ODF2L: variants seen among roughly 807,000 people sequenced by gnomAD.
The protein encoded by ODF2L is protein BCAP.
In ODF2L, 76 loss-of-function variants were observed where a neutral mutation model predicts 86.3. That is an observed-to-expected ratio of 0.88 (90% CI 0.73 to 1.07). ODF2L has a LOEUF of 1.07. Among genes scored for constraint, ODF2L ranks in the 50% least tolerant of loss-of-function variants. The pLI, the probability that ODF2L is intolerant of heterozygous loss-of-function variation, is 0.00. For missense variants in ODF2L, 748 were observed against 717.4 expected (o/e 1.04, Z -0.49); for synonymous variants, 241 against 231.3 (o/e 1.04, Z -0.38).
At chr1:86,348,909 G>A (rs1267726991), downstream of ODF2L, 15 of 1,533,162 alleles carry the variant, frequency 9.8e-6, no homozygotes, top group African/African-American at 1.4e-5. Flanking sequence ...ATACAGATAA[G>A]CAATAATAGC....
At chr1:86,346,882 G>A (rs1175052022), downstream of ODF2L, 2 of 152,218 alleles carry the variant, frequency 1.3e-5, no homozygotes, top group Non-Finnish European at 2.9e-5. Flanking sequence ...AATGGATACA[G>A]AGGTAGTATG....
chr1:86,355,681 C>T (rs1022997522), intron 14 of ODF2L, among the ~76,000 whole-genome samples: 4 of 152,086 alleles, frequency 2.6e-5, no homozygotes, highest in African/African-American at 9.7e-5. Flanking sequence ...CTCCCTCTTC[C>T]CACTCTCCAC....
chr1:86,367,940 T>C (rs1445371481), intron 11 of ODF2L, among the ~76,000 whole-genome samples: 2 of 152,222 alleles, frequency 1.3e-5, no homozygotes, highest in African/African-American at 4.8e-5. Flanking sequence ...AGCAGGGGAA[T>C]GATGTATAAC....
chr1:86,395,359 G>A (rs896702721), intron 1 of ODF2L, among the ~76,000 whole-genome samples: 2 of 152,096 alleles, frequency 1.3e-5, no homozygotes, highest in African/African-American at 2.4e-5. Context: ...TAATGGCCCT[G>A]CGTTTACTTA....
At chr1:86,366,102 A>C (rs1046093947) in intron 11 of ODF2L, among the ~76,000 whole-genome samples, 8 of 152,018 alleles carry the variant, frequency 5.3e-5, no homozygotes, top group African/African-American at 1.7e-4. Context: ...GTGAAGTGAA[A>C]CCAATCTAGT....
chr1:86,372,364 A>G, intron 9 of ODF2L, 67 bp downstream of exon 9: 1 of 708,358 alleles, frequency 1.4e-6, no homozygotes, highest in Admixed American at 3.8e-5. Flanking sequence ...AATACAAACA[A>G]CTCAAAGAAT....
chr1:86,360,597 GAATT>G (rs1454236526), intron 11 of ODF2L, 61 bp from the exon 11 acceptor site: 4 of 687,354 alleles, frequency 5.8e-6, no homozygotes, highest in Admixed American at 2.8e-5. Context: ...CAGTGCTACA[GAATT>G]ATTATAAAAA....
chr1:86,373,932 G>C (rs886776528), intron 8 of ODF2L, among the ~76,000 whole-genome samples: 7 of 152,156 alleles, frequency 4.6e-5, no homozygotes, highest in African/African-American at 1.7e-4. Context: ...CCTTGATAGT[G>C]CCTGGAGCAC....
chr1:86,350,151 G>T, exon 18 of ODF2L: 1 of 193,762 alleles, frequency 5.2e-6, no homozygotes, highest in Non-Finnish European at 9.4e-6. Flanking sequence ...TACATGTACA[G>T]AACGTACAGG....
At chr1:86,363,831 C>T (rs992784452) in intron 11 of ODF2L, among the ~76,000 whole-genome samples, 2 of 151,960 alleles carry the variant, frequency 1.3e-5, no homozygotes, top group Non-Finnish European at 2.9e-5. Flanking sequence ...TCCAAATAAA[C>T]TTTCTGTTGT....
At chr1:86,367,456 T>C (rs1462106033) in intron 11 of ODF2L, among the ~76,000 whole-genome samples, 2 of 151,380 alleles carry the variant, frequency 1.3e-5, no homozygotes, top group African/African-American at 4.9e-5. Flanking sequence ...GACCAACCCA[T>C]TCAGATTGAA....
rs891321862 is a variant in ODF2L at position 86,353,098 on chromosome 1, C to G, written c.1768-114G>C. 1.6e-5 allele frequency: 11 copies of G among 674,858 alleles called. No homozygotes were observed. The African/African-American group carries it at 2.0e-4, about 12-fold the overall frequency. 41.8% of individuals were successfully genotyped at this position (674,858 alleles called of 1,614,324 possible). On this transcript the variant is annotated intron_variant, in intron 16 of 17. Transcript: ENST00000317336. ...ACAGATATTACTTGTATGTTATATC[C>G]AAGTTTAAAGATGTTCTATCTTGAA...
At chr1:86,348,805 C>T (rs764651030), downstream of ODF2L, 3 of 1,552,234 alleles carry the variant, frequency 1.9e-6, no homozygotes, top group Admixed American at 4.1e-5. Flanking sequence ...ATTCTTAATA[C>T]TCTCATTTTG....
intron 11 of ODF2L, chr1:86,360,781 A>C (rs956617368): frequency 7.8e-6 from 2 of 254,936 alleles, no homozygotes; most frequent in African/African-American, 4.4e-5. Context: ...CTGACAAAAA[A>C]ACTTGGAAAT....
exon 4 of ODF2L, chr1:86,384,723 C>T (rs750870272): frequency 1.4e-5 from 21 of 1,531,764 alleles, no homozygotes; most frequent in Non-Finnish European, 1.8e-5. Flanking sequence ...GCTAGTTTTA[C>T]ACTTTTGAAG....
intron 7 of ODF2L, among the ~76,000 whole-genome samples, chr1:86,380,459 A>G (rs1317818498): frequency 1.3e-5 from 2 of 152,168 alleles, no homozygotes; most frequent in Non-Finnish European, 2.9e-5. Flanking sequence ...CTAAAAGTCC[A>G]CACGGTGTCA....
Position 86,360,436 on chromosome 1 carries a change from T to C in ODF2L, c.1244A>G (p.Tyr415Cys), listed in dbSNP as rs770725268. 64 of 1,488,828 alleles carry C rather than the reference T, an allele frequency of 4.3e-5. 5 individuals carry two copies. In the South Asian group the frequency reaches 6.8e-4, roughly 16 times the overall value. 92.2% of individuals were successfully genotyped at this position (1,488,828 alleles called of 1,614,324 possible). The change falls in exon 12 of 18, where the codon TAT becomes TGT. Residue 415 changes from tyrosine to cysteine, a missense_variant. Transcript: ENST00000317336. ...AAATGCAGTAGTCACCTGAGTTTTA[T>C]ACATTTCAATAAGGGTTTTCTGTTT...
intron 8 of ODF2L, among the ~76,000 whole-genome samples, chr1:86,374,405 T>C (rs1163051406): frequency 6.6e-6 from 1 of 152,172 alleles, no homozygotes; most frequent in African/African-American, 2.4e-5. Context: ...TTGAAACTAG[T>C]CAGTGATGGA....
At chr1:86,359,793 C>T (rs1373842928) in intron 12 of ODF2L, among the ~76,000 whole-genome samples, 3 of 152,086 alleles carry the variant, frequency 2.0e-5, no homozygotes, top group African/African-American at 7.2e-5. Context: ...CAGTGGATTA[C>T]AGGTGTACGC....
Sources: allele counts gnomAD v4.1 joint callset (sites outside exome capture counted in the v4.1 genomes callset), GRCh38; gene constraint gnomAD v4.1.1; transcripts MANE v1.5; gene names NCBI Gene and HGNC (gene_info 2026-07-23, HGNC 2026-07-21).